The following BICD1 variants were observed in gnomAD, a reference collection of about 807,000 sequenced individuals.
The protein encoded by BICD1 is BICD cargo adaptor 1, also known as protein bicaudal D homolog 1.
A neutral mutation model predicts 92.5 loss-of-function variants in BICD1; 35 were observed. The observed-to-expected ratio is 0.38, with a 90% CI of 0.29 to 0.50. The LOEUF (loss-of-function observed/expected upper bound fraction) is 0.50. BICD1 is among the 20% of genes least tolerant of loss of function. The pLI is 0.93. For synonymous variants in BICD1, 429 were observed against 465.1 expected, an observed-to-expected ratio of 0.92 and a Z score of 1.00; for missense variants, 950 against 1,189.8, an observed-to-expected ratio of 0.80 and a Z score of 2.97.
chr12:32,209,467 G>T (rs928076624), intron 1 of BICD1, among the ~76,000 whole-genome samples: 1 of 152,104 alleles, frequency 6.6e-6, no homozygotes, highest in Non-Finnish European at 1.5e-5. Flanking sequence ...AAAGGTAATT[G>T]GTCAGATAAT....
At chr12:32,369,654 G>A (rs1004465504) in intron 9 of BICD1, among the ~76,000 whole-genome samples, 29 of 152,212 alleles carry the variant, frequency 1.9e-4, no homozygotes, top group African/African-American at 5.5e-4. Flanking sequence ...CAGTTTGGGA[G>A]GCTGAGGCGG....
intron 1 of BICD1, among the ~76,000 whole-genome samples, chr12:32,132,741 A>G (rs1200694238): frequency 2.0e-5 from 3 of 152,196 alleles, no homozygotes; most frequent in African/African-American, 7.2e-5. Flanking sequence ...AGGTTCTCTG[A>G]GCCCTGGTGA....
At chr12:32,291,087 GTGTT>G (rs1947714067) in intron 2 of BICD1, among the ~76,000 whole-genome samples, 1 of 152,198 alleles carries the variant, frequency 6.6e-6, no homozygotes, top group African/African-American at 2.4e-5. Context: ...GAAAGATTAT[GTGTT>G]TATAATTTGT....
chr12:32,282,194 G>GTCT (rs781644197), intron 2 of BICD1, among the ~76,000 whole-genome samples: 15 of 89,286 alleles, frequency 1.7e-4, no homozygotes, highest in African/African-American at 4.8e-4. Context: ...CCAGCTTCAG[G>GTCT]TCTTCTTCTT....
In BICD1 at chr12:32,151,636, C is replaced by T. The variant is rs562433278; in HGVS notation, c.213+44092C>T. Among the ~76,000 whole-genome samples, 122 of 152,254 alleles carry T rather than the reference C, an allele frequency of 8.0e-4. 4 individuals carry two copies. The South Asian group carries it at 0.024, about 30-fold the overall frequency. Reference sequence around the variant, plus strand: ...GACCAAACACAGTTGGTCAAATCCTCCCTCTGGGAGTTGGAGAGACATAGA... The same window carrying T: ...GACCAAACACAGTTGGTCAAATCCTTCCTCTGGGAGTTGGAGAGACATAGA... On this transcript the variant is annotated intron_variant, in intron 1 of 9. Coordinates refer to ENST00000652176, the MANE Select transcript of BICD1 (RefSeq NM_001714.4).
At chr12:32,129,389 G>A (rs1277762491) in intron 1 of BICD1, among the ~76,000 whole-genome samples, 1 of 151,558 alleles carries the variant, frequency 6.6e-6, no homozygotes, top group African/African-American at 2.4e-5. Flanking sequence ...GCCAGGTATG[G>A]TGGCACATGC....
intron 2 of BICD1, among the ~76,000 whole-genome samples, chr12:32,257,514 A>G (rs1015179014): frequency 6.6e-6 from 1 of 152,218 alleles, no homozygotes; most frequent in Non-Finnish European, 1.5e-5. Flanking sequence ...GGTAGTCAAC[A>G]GGAACTCTCA....
At chr12:32,200,865 TAAAC>T (rs1418772764) in intron 1 of BICD1, among the ~76,000 whole-genome samples, 7 of 152,176 alleles carry the variant, frequency 4.6e-5, no homozygotes, top group African/African-American at 1.4e-4. Context: ...TTCACTTTGT[TAAAC>T]AATAAGAATA....
chr12:32,121,232 G>A lies in BICD1; in HGVS notation c.213+13688G>A, dbSNP rs538042734. ...ATCCACCTGTCTCAGAGTGCTGGGA[G>A]TACAGGCGTGAGCCACAGCACCTGG... On this transcript the variant is annotated intron_variant, in intron 1 of 9. Coordinates refer to ENST00000652176, the MANE Select transcript of BICD1 (RefSeq NM_001714.4). Among the ~76,000 whole-genome samples, 6 of 151,954 alleles carry A rather than the reference G, an allele frequency of 3.9e-5. No individual in the cohort carries two copies. In the South Asian group the frequency reaches 1.2e-3, roughly 32 times the overall value.
intron 1 of BICD1, among the ~76,000 whole-genome samples, chr12:32,113,442 T>TCTGATCTCA (rs1941771265): frequency 6.6e-6 from 1 of 151,580 alleles, no homozygotes; most frequent in Non-Finnish European, 1.5e-5. Flanking sequence ...AGTGCAGTGG[T>TCTGATCTCA]GCTGTTACAG....
At chr12:32,285,256 G>A (rs10844167) in intron 2 of BICD1, among the ~76,000 whole-genome samples, 1 of 151,986 alleles carries the variant, frequency 6.6e-6, no homozygotes, top group African/African-American at 2.4e-5. Flanking sequence ...ACTTCTGCTC[G>A]TGTTACCATA....
chr12:32,121,790 A>G (rs1942159602), intron 1 of BICD1, among the ~76,000 whole-genome samples: 1 of 149,124 alleles, frequency 6.7e-6, no homozygotes, highest in Non-Finnish European at 1.5e-5. Context: ...GATCTGAACA[A>G]CAGAAGATCT....
intron 1 of BICD1, among the ~76,000 whole-genome samples, chr12:32,215,101 C>A (rs931765089): frequency 1.3e-5 from 2 of 152,042 alleles, no homozygotes; most frequent in Admixed American, 1.3e-4. Context: ...TGGTGATGGG[C>A]GTCTGTAATC....
At chr12:32,342,153 T>C (rs551466809) in intron 8 of BICD1, among the ~76,000 whole-genome samples, 1 of 146,464 alleles carries the variant, frequency 6.8e-6, no homozygotes, top group South Asian at 2.2e-4. Context: ...TATATATATG[T>C]GTGTATATAT....
At chr12:32,228,497 G>T (rs1945772198) in intron 2 of BICD1, among the ~76,000 whole-genome samples, 1 of 152,194 alleles carries the variant, frequency 6.6e-6, no homozygotes, top group Non-Finnish European at 1.5e-5. Flanking sequence ...TTTATCTTGA[G>T]TGAAATGAGG....
intron 8 of BICD1, among the ~76,000 whole-genome samples, chr12:32,344,857 G>A (rs1938509771): frequency 6.6e-6 from 1 of 152,126 alleles, no homozygotes; most frequent in African/African-American, 2.4e-5. Flanking sequence ...TAGTAGGAGT[G>A]AAGGGCAGTC....
At chr12:32,326,080 CAA>C (rs372956491) in intron 4 of BICD1, among the ~76,000 whole-genome samples, 1 of 66,462 alleles carries the variant, frequency 1.5e-5, no homozygotes, top group Admixed American at 2.0e-4. Flanking sequence ...GACTCCATCT[CAA>C]AAAAAAAAAA....
At chr12:32,309,843 A>G (rs1340077749) in intron 4 of BICD1, among the ~76,000 whole-genome samples, 1 of 152,066 alleles carries the variant, frequency 6.6e-6, no homozygotes, top group Non-Finnish European at 1.5e-5. Context: ...GGTTTGTTAC[A>G]TATGTATACA....
chr12:32,325,885 A>G (rs1203822327), intron 4 of BICD1, among the ~76,000 whole-genome samples: 1 of 151,852 alleles, frequency 6.6e-6, no homozygotes, highest in East Asian at 1.9e-4. Flanking sequence ...GATCGAGACT[A>G]TCCTGGCTAA....
Sources: gnomAD v4.1 joint callset for allele counts (sites outside exome capture counted in the v4.1 genomes callset) on GRCh38, gnomAD v4.1.1 for gene constraint, MANE v1.5 for transcripts, NCBI Gene and HGNC (gene_info 2026-07-23, HGNC 2026-07-21) for gene names.